Variants in PDCD10 observed in about 807,000 individuals in gnomAD.
PDCD10 encodes programmed cell death 10, also known as programmed cell death protein 10.
PDCD10 carries 4 observed loss-of-function variants against 29.2 expected under a neutral mutation model. The ratio of observed to expected loss-of-function variants is 0.14; its 90% confidence interval spans 0.07 to 0.31. The LOEUF (loss-of-function observed/expected upper bound fraction) is 0.31, where lower values mean the gene tolerates loss of function less well. Among genes scored for constraint, PDCD10 ranks in the 10% least tolerant of loss-of-function variants. The probability of loss-of-function intolerance (pLI) is 1.00; values close to 1 mark genes in which losing one functional copy is unlikely to be tolerated. For missense variants in PDCD10, 183 were observed against 257.9 expected (o/e 0.71, Z 1.99); for synonymous variants, 70 against 82.2 (o/e 0.85, Z 0.80).
chr3:167,704,069 ATTTAT>A (rs1335959642), intron 4 of PDCD10, among the ~76,000 whole-genome samples: 1 of 152,192 alleles, frequency 6.6e-6, no homozygotes, highest in African/African-American at 2.4e-5. Flanking sequence ...CAAGGAAAAC[ATTTAT>A]TTTGAGTAAC....
intron 3 of PDCD10, among the ~76,000 whole-genome samples, chr3:167,709,993 G>A (rs1722369342): frequency 6.6e-6 from 1 of 152,138 alleles, no homozygotes; most frequent in Non-Finnish European, 1.5e-5. Context: ...CCAAAATGGA[G>A]CTCACTGCCC....
At chr3:167,715,990 G>C (rs1191360954) in intron 3 of PDCD10, among the ~76,000 whole-genome samples, 1 of 151,894 alleles carries the variant, frequency 6.6e-6, no homozygotes, top group Non-Finnish European at 1.5e-5. Context: ...CTGCAGCATT[G>C]TTCACAACAG....
At chr3:167,696,430 A>T (rs923517996) in intron 5 of PDCD10, among the ~76,000 whole-genome samples, 1 of 152,222 alleles carries the variant, frequency 6.6e-6, no homozygotes, top group Non-Finnish European at 1.5e-5. Context: ...TCATGGAATC[A>T]GTTAAAATAC....
chr3:167,708,548 A>AT (rs1722226441), intron 3 of PDCD10, among the ~76,000 whole-genome samples: 1 of 152,242 alleles, frequency 6.6e-6, no homozygotes, highest in South Asian at 2.1e-4. Flanking sequence ...ACTTACAAGA[A>AT]TAAAAACTTC....
intron 2 of PDCD10, 22 bp downstream of exon 2, chr3:167,734,192 C>G (rs1435002917): frequency 6.6e-6 from 1 of 152,150 alleles, no homozygotes; most frequent in Non-Finnish European, 1.5e-5. Context: ...GCTCTGAAAG[C>G]AGTAAAGGAG....
chr3:167,701,684 G>T (rs374106037), intron 4 of PDCD10, among the ~76,000 whole-genome samples: 2 of 152,088 alleles, frequency 1.3e-5, no homozygotes, highest in Non-Finnish European at 2.9e-5. Flanking sequence ...GAACCATAAG[G>T]CCTCTATGGA....
At chr3:167,715,867 A>G (rs529060486) in intron 3 of PDCD10, among the ~76,000 whole-genome samples, 11 of 152,034 alleles carry the variant, frequency 7.2e-5, no homozygotes, top group African/African-American at 2.6e-4. Context: ...TCCTCAAAAA[A>G]CTAAAAACAG....
At chr3:167,728,612 T>C (rs1423903235) in intron 2 of PDCD10, among the ~76,000 whole-genome samples, 5 of 152,228 alleles carry the variant, frequency 3.3e-5, no homozygotes, top group African/African-American at 9.6e-5. Context: ...TGGAAGTACT[T>C]AGTATATTAG....
chr3:167,719,115 T>A (rs1723317233), intron 3 of PDCD10, among the ~76,000 whole-genome samples: 1 of 151,924 alleles, frequency 6.6e-6, no homozygotes, highest in African/African-American at 2.4e-5. Flanking sequence ...TGGAAAAAAA[T>A]GGTTTTGAAA....
intron 3 of PDCD10, among the ~76,000 whole-genome samples, chr3:167,709,800 A>T (rs1329907497): frequency 5.0e-4 from 1 of 2,004 alleles, no homozygotes; most frequent in Non-Finnish European, 6.7e-4. Flanking sequence ...CAGGCAGCAG[A>T]GCTCACAGAA....
chr3:167,732,615 T>G (rs750201314), intron 2 of PDCD10, among the ~76,000 whole-genome samples: 4 of 152,162 alleles, frequency 2.6e-5, no homozygotes, highest in Non-Finnish European at 5.9e-5. Context: ...GCCTCAGAGA[T>G]AAAGAGTAGT....
At chr3:167,731,299 GA>G (rs1724787140) in intron 2 of PDCD10, among the ~76,000 whole-genome samples, 1 of 152,104 alleles carries the variant, frequency 6.6e-6, no homozygotes, top group South Asian at 2.1e-4. Flanking sequence ...GCAGGACAGT[GA>G]TAAGTCTCTA....
intron 2 of PDCD10, among the ~76,000 whole-genome samples, chr3:167,725,109 T>C (rs575654217): frequency 7.8e-4 from 119 of 151,944 alleles, no homozygotes; most frequent in African/African-American, 2.8e-3. Context: ...ATACATAAAC[T>C]AGCCAGATGC....
chr3:167,688,986 A>C (rs1288617390), intron 6 of PDCD10, among the ~76,000 whole-genome samples: 2 of 152,206 alleles, frequency 1.3e-5, no homozygotes, highest in East Asian at 3.8e-4. Context: ...AGTATTTTAG[A>C]GTACTCTGAA....
intron 6 of PDCD10, among the ~76,000 whole-genome samples, chr3:167,688,966 T>G (rs1719939500): frequency 6.6e-6 from 1 of 152,170 alleles, no homozygotes; most frequent in African/African-American, 2.4e-5. Flanking sequence ...ATTTTGATAT[T>G]TTTTAAAAAA....
chr3:167,687,695 T>C lies in PDCD10; in HGVS notation c.396-2A>G. 1 of 1,499,624 alleles carries C rather than the reference T, an allele frequency of 6.7e-7. No homozygotes were observed. Among genetic ancestry groups the C allele is most frequent in the Non-Finnish European group, 9.3e-7 (1 of 1,076,120 alleles). 92.9% of individuals were successfully genotyped at this position (1,499,624 alleles called of 1,614,324 possible). Reference sequence around the variant, plus strand: ...TCTTTTATTGCACTAGCTATATCCCTGTTGGGAAAAGAATAAAGAATATCA... The same window carrying C: ...TCTTTTATTGCACTAGCTATATCCCCGTTGGGAAAAGAATAAAGAATATCA... On this transcript the variant is annotated splice_acceptor_variant, in intron 6 of 8. Coordinates refer to ENST00000392750, the MANE Select transcript of PDCD10 (RefSeq NM_007217.4). LOFTEE classifies it high-confidence loss of function.
chr3:167,692,390 T>G (rs1720342852), intron 6 of PDCD10, among the ~76,000 whole-genome samples: 1 of 152,250 alleles, frequency 6.6e-6, no homozygotes, highest in Admixed American at 6.5e-5. Context: ...GATTGTGTTT[T>G]GACTACAACC....
intron 2 of PDCD10, among the ~76,000 whole-genome samples, chr3:167,724,905 C>T (rs553330128): frequency 6.6e-6 from 1 of 152,220 alleles, no homozygotes; most frequent in Admixed American, 6.5e-5. Context: ...AGTTGGTTAA[C>T]CCAGGATTTC....
chr3:167,687,259 G>A lies in PDCD10; in HGVS notation c.532C>T (p.Leu178=). Residue 178 remains leucine (L), a synonymous_variant, in exon 8 of 9, where the codon CTG becomes TTG. Transcript: ENST00000392750. ...VKYSKSFSDT[L]KTYFKDGKAI... ...TTGCCATCTTTAAAATACGTTTTCA[G>A]AGTATCACTGAAACTTTTGGAGTAC... The A allele has an allele frequency of 6.4e-7, 1 of 1,572,622 alleles. No individual in the cohort carries two copies. The highest frequency in any genetic ancestry group is 8.7e-7 in the Non-Finnish European group (1 of 1,142,880).
Sources: gnomAD v4.1 joint callset for allele counts (sites outside exome capture counted in the v4.1 genomes callset) on GRCh38, gnomAD v4.1.1 for gene constraint, MANE v1.5 for transcripts, NCBI Gene and HGNC (gene_info 2026-07-23, HGNC 2026-07-21) for gene names.